The following AEBP2 variants were observed in gnomAD, a reference collection of about 807,000 sequenced individuals.
The protein encoded by AEBP2 is zinc finger protein AEBP2.
AEBP2 carries 10 observed loss-of-function variants against 50.8 expected under a neutral mutation model. That is an observed-to-expected ratio of 0.20 (90% CI 0.12 to 0.33). The LOEUF (loss-of-function observed/expected upper bound fraction) is 0.33. AEBP2 is among the 10% of genes least tolerant of loss of function. AEBP2 has a pLI of 1.00. For synonymous variants in AEBP2, 296 were observed against 261.3 expected (o/e 1.13, Z -1.28); for missense variants, 570 against 688.0 (o/e 0.83, Z 1.92).
rs200152645 is a variant in AEBP2, at chr12:19,484,762, A to AT, written c.988-9028dup. Among the ~76,000 whole-genome samples the AT allele has an allele frequency of 1.5e-3, 221 of 150,020 alleles. 8 individuals carry two copies. The East Asian group carries it at 0.038, about 26-fold the overall frequency. On this transcript the variant is annotated intron_variant, in intron 3 of 7. Transcript: ENST00000266508. ...CTAACCGTTCAGATTTTTTTTCTTAATTTTTTTTTTAAGTAAGTGGTCTCT... is the reference window on the plus strand; with the variant it reads ...CTAACCGTTCAGATTTTTTTTCTTAATTTTTTTTTTTAAGTAAGTGGTCTCT...
rs561857074 is a variant in AEBP2, at chr12:19,447,728, A to G, written c.671+7358A>G. 3.9e-5 allele frequency among the ~76,000 whole-genome samples: 6 copies of G among 152,334 alleles called. No homozygotes were observed. In the South Asian group the frequency reaches 1.0e-3, roughly 26 times the overall value. On this transcript the variant is annotated intron_variant, in intron 1 of 7. Transcript: ENST00000266508. ...CTCATGCAGAGATGGTGCAGTGGAA[A>G]GAATACTCCAGCTGAGGATAAGCGA...
rs141577205 is a variant in AEBP2, at chr12:19,460,780, G to A, written c.672-1730G>A. Among the ~76,000 whole-genome samples the A allele has an allele frequency of 6.2e-3, 944 of 151,724 alleles. 7 individuals are homozygous for A. Among genetic ancestry groups the A allele is most frequent in the Non-Finnish European group, 9.1e-3 (619 of 67,960 alleles). The stretch of plus-strand genomic sequence containing the variant: ...CACCATTCTCCTGCCTCAGTCTCCC[G>A]AGTAGCTGGGACTGCAGGCGCACAC... On this transcript the variant is annotated intron_variant, in intron 1 of 7. Transcript: ENST00000266508.
intron 3 of AEBP2, among the ~76,000 whole-genome samples, chr12:19,475,976 G>T (rs1948643200): frequency 6.6e-6 from 1 of 152,134 alleles, no homozygotes; most frequent in Non-Finnish European, 1.5e-5. Flanking sequence ...TCTGTGGGTT[G>T]TCTGTTTATT....
intron 1 of AEBP2, among the ~76,000 whole-genome samples, chr12:19,432,355 C>T (rs540691735): frequency 6.6e-6 from 1 of 152,288 alleles, no homozygotes; most frequent in South Asian, 2.1e-4. Flanking sequence ...ACACAATGAT[C>T]TCCATTTCTT....
Position 19,439,724 on chromosome 12 carries a change from G to A in AEBP2, c.25G>A (p.Ala9Thr), listed in dbSNP as rs1302518211. The A allele has an allele frequency of 6.6e-7, 1 of 1,518,298 alleles. No homozygotes were observed. The highest frequency in any genetic ancestry group is 2.0e-5 in the Admixed American group (1 of 50,142). The allele number at this position is 1,518,298 out of a possible 1,614,324, so 94.1% of individuals were successfully genotyped here. MAAAITDM[A>T]DLEELSRLSP... ...CATGGCCGCCGCTATCACCGACATG[G>A]CCGACCTGGAGGAGCTCTCCCGCCT... Residue 9 changes from alanine to threonine, a missense_variant, in exon 1 of 8, where the codon GCC (alanine) becomes ACC (threonine). Ala to Thr is a moderately conservative substitution (Grantham distance 58, BLOSUM62 0). This residue lies in a region of AEBP2 where 386 missense variants were observed against 336.8 expected (regional missense o/e 1.15). Coordinates refer to ENST00000266508, the MANE Select transcript of AEBP2 (RefSeq NM_153207.5).
intron 5 of AEBP2, among the ~76,000 whole-genome samples, chr12:19,503,956 T>G (rs1372063486): frequency 6.6e-5 from 10 of 151,924 alleles, no homozygotes; most frequent in Admixed American, 1.3e-4. Flanking sequence ...CTCAGTCTTC[T>G]GAGTAGCTGG....
intron 3 of AEBP2, among the ~76,000 whole-genome samples, chr12:19,481,669 G>A (rs1324465668): frequency 6.6e-6 from 1 of 151,892 alleles, no homozygotes; most frequent in Non-Finnish European, 1.5e-5. Flanking sequence ...AGTAGAGACG[G>A]GGTTTCACCG....
At chr12:19,413,094 G>C (rs2095740337) in intron 1 of AEBP2, 1 of 613,980 alleles carries the variant, frequency 1.6e-6, no homozygotes, top group Non-Finnish European at 3.0e-6. Context: ...GCCAGCAGCA[G>C]CCGGGCCGAA....
chr12:19,504,636 A>T (rs1417865639), intron 5 of AEBP2, among the ~76,000 whole-genome samples: 2 of 152,070 alleles, frequency 1.3e-5, no homozygotes, highest in African/African-American at 4.8e-5. Context: ...ATTTAGATTG[A>T]TATGTGTGAT....
intron 3 of AEBP2, among the ~76,000 whole-genome samples, chr12:19,485,259 GGAAA>G (rs1337737434): frequency 6.6e-5 from 10 of 152,036 alleles, no homozygotes; most frequent in African/African-American, 2.4e-4. Context: ...ATTGGAGAGG[GGAAA>G]GAAATTGTCT....
intron 3 of AEBP2, among the ~76,000 whole-genome samples, chr12:19,492,817 A>G (rs1434887946): frequency 6.6e-6 from 1 of 151,946 alleles, no homozygotes; most frequent in Non-Finnish European, 1.5e-5. Flanking sequence ...AAATGCAACA[A>G]CAACAAAATA....
intron 1 of AEBP2, among the ~76,000 whole-genome samples, chr12:19,453,518 G>T (rs894748262): frequency 2.0e-5 from 3 of 151,246 alleles, no homozygotes; most frequent in Admixed American, 2.0e-4. Context: ...CCGCTTCCTG[G>T]GTTCAAACGA....
chr12:19,440,408 C>G (rs1348034719), intron 1 of AEBP2, 38 bp downstream of exon 1: 2 of 1,459,852 alleles, frequency 1.4e-6, no homozygotes, highest in African/African-American at 1.4e-5. Flanking sequence ...CCTTCCTCCT[C>G]TTGAACTCCC....
chr12:19,504,840 T>C (rs547892314), intron 5 of AEBP2, among the ~76,000 whole-genome samples: 4 of 152,266 alleles, frequency 2.6e-5, no homozygotes, highest in Admixed American at 6.5e-5. Flanking sequence ...CACTCAAGTT[T>C]TAGAATATTT....
Position 19,439,903 on chromosome 12 carries a change from A to C in AEBP2, c.204A>C (p.Gly68=), listed in dbSNP as rs1375143806. Residue 68 remains glycine (G), a synonymous_variant, in exon 1 of 8, where the codon GGA becomes GGC. Coordinates refer to ENST00000266508, the MANE Select transcript of AEBP2 (RefSeq NM_153207.5). Reference sequence around the variant, plus strand: ...ACGGCGGCAGCGGTGGGGGCGGCGGAGGCGGCGGCGGAGGAGTGGGGGGCG... The same window carrying C: ...ACGGCGGCAGCGGTGGGGGCGGCGGCGGCGGCGGCGGAGGAGTGGGGGGCG... ...LLNGGSGGGG[G]GGGGGVGGGE... The C allele has an allele frequency of 1.4e-6, 2 of 1,473,014 alleles. No individual in the cohort carries two copies. The highest frequency in any genetic ancestry group is 1.8e-6 in the Non-Finnish European group (2 of 1,121,430). The allele number at this position is 1,473,014 out of a possible 1,614,324, so 91.2% of individuals were successfully genotyped here.
At chr12:19,512,015 C>T (rs1458803307) in intron 5 of AEBP2, among the ~76,000 whole-genome samples, 1 of 151,754 alleles carries the variant, frequency 6.6e-6, no homozygotes, top group East Asian at 1.9e-4. Flanking sequence ...CACTTAAGTT[C>T]TTGATTAGGG....
chr12:19,488,079 T>A, intron 3 of AEBP2, among the ~76,000 whole-genome samples: 1 of 152,048 alleles, frequency 6.6e-6, no homozygotes, highest in East Asian at 1.9e-4. Context: ...TAATTACTGT[T>A]GTTGCCCTCA....
chr12:19,429,196 C>T (rs1440507457), intron 1 of AEBP2, among the ~76,000 whole-genome samples: 1 of 152,126 alleles, frequency 6.6e-6, no homozygotes, highest in East Asian at 1.9e-4. Flanking sequence ...TCTCATTGTT[C>T]AATTCCCACC....
chr12:19,439,562 C>G lies in AEBP2; in HGVS notation c.-138C>G, dbSNP rs1592713614. ...GCTCCGTAGCGCGTGTGCAGGCTGA[C>G]GCAGCTCGCGGGCCCTCCTCCTGCT... On this transcript the variant is annotated 5_prime_UTR_variant, in exon 1 of 8. Transcript: ENST00000266508. 1 of 1,167,120 alleles carries G rather than the reference C, an allele frequency of 8.6e-7. No individual in the cohort carries two copies. Among genetic ancestry groups the G allele is most frequent in the Admixed American group, 2.9e-5 (1 of 34,580 alleles). 72.3% of individuals were successfully genotyped at this position (1,167,120 alleles called of 1,614,324 possible). A position where few individuals can be genotyped will look rare whatever the true frequency, so the allele number is the denominator to read the frequency against.
Sources: gnomAD v4.1 joint callset for allele counts (sites outside exome capture counted in the v4.1 genomes callset) on GRCh38, gnomAD v4.1.1 for gene constraint, gnomAD v4.1.1 regional missense constraint, MANE v1.5 for transcripts, NCBI Gene and HGNC (gene_info 2026-07-23, HGNC 2026-07-21) for gene names.